Variants in ADAMTSL3 observed in about 807,000 individuals in gnomAD.
ADAMTSL3 encodes ADAMTS-like protein 3.
In ADAMTSL3, 128 loss-of-function variants were observed where a neutral mutation model predicts 201.7. The observed-to-expected ratio is 0.63, with a 90% CI of 0.55 to 0.73. The LOEUF is 0.73. Ranked by LOEUF, ADAMTSL3 falls within the 30% of genes least tolerant of loss-of-function variation. The pLI, the probability that ADAMTSL3 is intolerant of heterozygous loss-of-function variation, is 0.00. For synonymous variants in ADAMTSL3, 738 were observed against 748.4 expected, an observed-to-expected ratio of 0.99 and a Z score of 0.23; for missense variants, 1,990 against 2,119.6, an observed-to-expected ratio of 0.94 and a Z score of 1.20.
At chr15:83,655,948 A>G (rs2061077512) in intron 2 of ADAMTSL3, 118 bp downstream of exon 2, 3 of 1,089,486 alleles carry the variant, frequency 2.8e-6, no homozygotes, top group Non-Finnish European at 4.0e-6. Flanking sequence ...CCAGAGAACC[A>G]GACTTTCTTT....
chr15:83,708,812 T>C lies in ADAMTSL3; in HGVS notation c.189+4304T>C, dbSNP rs77656327. ...GTCTTGCCAGCAATTCGGTAAACTATTACTTAGAGAATTATACAGTTTTAC... is the reference window on the plus strand; with the variant it reads ...GTCTTGCCAGCAATTCGGTAAACTACTACTTAGAGAATTATACAGTTTTAC... On this transcript the variant is annotated intron_variant, in intron 3 of 29. Transcript: ENST00000286744. Among the ~76,000 whole-genome samples, 373 of 152,352 alleles carry C rather than the reference T, an allele frequency of 2.4e-3. 2 individuals are homozygous for C. The highest frequency in any genetic ancestry group is 8.7e-3 in the African/African-American group (360 of 41,576).
In ADAMTSL3 at chr15:83,688,749, T is replaced by TACAC. The variant is rs1157433275; in HGVS notation, c.70-15639_70-15638insCACA. ...ATCTAGTGTTAAGTATACACATGCA[T>TACAC]ATATATACACACACACACACACACA... is the stretch of plus-strand genomic sequence containing the variant. On this transcript the variant is annotated intron_variant, in intron 2 of 29. Coordinates refer to ENST00000286744, the MANE Select transcript of ADAMTSL3 (RefSeq NM_207517.3). Among the ~76,000 whole-genome samples the TACAC allele has an allele frequency of 3.5e-3, 171 of 48,956 alleles. 4 individuals are homozygous for TACAC. The highest frequency in any genetic ancestry group is 0.011 in the Middle Eastern group (1 of 92). The allele number at this position is 48,956 out of a possible 152,430, so 32.1% of individuals were successfully genotyped here. A position where few individuals can be genotyped will look rare whatever the true frequency, so the allele number is the denominator to read the frequency against.
In ADAMTSL3 at chr15:84,025,425, C is replaced by G. The variant is rs1276398813; in HGVS notation, c.4645C>G (p.Pro1549Ala). ...TGGTCATCCATGTGTTCAGTGGGAA[C>G]CAGGGAACCGGGTAAAGCTAACACA... ...CFGHPCVQWEPGNRCPGRCMG... is the reference protein window; with the variant it reads ...CFGHPCVQWEAGNRCPGRCMG... Residue 1549 changes from proline (P) to alanine (A), a missense_variant, in exon 27 of 30, where the codon CCA becomes GCA. By Grantham distance (27) the Pro-to-Ala change is conservative (BLOSUM62 -1). Coordinates refer to ENST00000286744, the MANE Select transcript of ADAMTSL3 (RefSeq NM_207517.3). The G allele has an allele frequency of 6.2e-7, 1 of 1,613,738 alleles. No homozygotes were observed. Among genetic ancestry groups the G allele is most frequent in the African/African-American group, 1.3e-5 (1 of 74,892 alleles).
intron 2 of ADAMTSL3, among the ~76,000 whole-genome samples, chr15:83,687,236 T>G (rs2061549985): frequency 6.6e-6 from 1 of 152,140 alleles, no homozygotes. Flanking sequence ...AAGTTGAAAG[T>G]ATCAAGTGAA....
intron 7 of ADAMTSL3, among the ~76,000 whole-genome samples, chr15:83,853,831 A>G (rs2064669511): frequency 6.6e-6 from 1 of 152,126 alleles, no homozygotes; most frequent in Non-Finnish European, 1.5e-5. Flanking sequence ...ACAATTCACT[A>G]CTGTACATTT....
At chr15:84,032,509 C>T (rs911104989) in intron 28 of ADAMTSL3, among the ~76,000 whole-genome samples, 6 of 152,220 alleles carry the variant, frequency 3.9e-5, no homozygotes, top group African/African-American at 1.4e-4. Flanking sequence ...ACAGACCACA[C>T]ACAGATTGAT....
rs534243654 is a variant in ADAMTSL3, at chr15:83,818,261, T to G, written c.364-1550T>G. Among the ~76,000 whole-genome samples the G allele has an allele frequency of 2.0e-5, 3 of 152,286 alleles. No homozygotes were observed. In the East Asian group the frequency reaches 5.8e-4, roughly 29 times the overall value. ...TTGAGTAGAAACTATTTTCCAAAGT[T>G]TTTAGAATGAATATTTATTACCTTT... On this transcript the variant is annotated intron_variant, in intron 5 of 29. Transcript: ENST00000286744.
chr15:83,798,370 T>G (rs554795103), intron 4 of ADAMTSL3, among the ~76,000 whole-genome samples: 1 of 152,334 alleles, frequency 6.6e-6, no homozygotes, highest in African/African-American at 2.4e-5. Flanking sequence ...TATGTATTTG[T>G]GCATATATGT....
chr15:83,821,179 T>TC (rs1409467549), intron 6 of ADAMTSL3, among the ~76,000 whole-genome samples: 1 of 152,190 alleles, frequency 6.6e-6, no homozygotes, highest in African/African-American at 2.4e-5. Flanking sequence ...AAAAATATTT[T>TC]TTTTTTTCCA....
At chr15:83,695,131 G>T (rs1215374482) in intron 2 of ADAMTSL3, among the ~76,000 whole-genome samples, 2 of 125,500 alleles carry the variant, frequency 1.6e-5, no homozygotes, top group African/African-American at 3.0e-5. Flanking sequence ...GTGTGTGGGG[G>T]TATATTTGTG....
At chr15:83,945,490 C>G (rs985053260) in intron 19 of ADAMTSL3, among the ~76,000 whole-genome samples, 4 of 152,150 alleles carry the variant, frequency 2.6e-5, no homozygotes, top group African/African-American at 9.7e-5. Context: ...TCCTTTGAGA[C>G]TAGGTCAGGC....
chr15:84,003,965 C>A (rs750430437), intron 23 of ADAMTSL3, among the ~76,000 whole-genome samples: 6 of 152,076 alleles, frequency 3.9e-5, no homozygotes, highest in Non-Finnish European at 7.3e-5. Flanking sequence ...ATTCAACCCC[C>A]GGAAATAAGA....
chr15:83,726,205 A>G (rs116021977), intron 3 of ADAMTSL3, among the ~76,000 whole-genome samples: 6,883 of 152,054 alleles, frequency 0.045, 509 homozygotes, highest in African/African-American at 0.15. Context: ...ATAGTTTGCT[A>G]TTGGCATATG....
intron 28 of ADAMTSL3, among the ~76,000 whole-genome samples, chr15:84,034,237 G>A (rs987462449): frequency 3.3e-5 from 5 of 152,076 alleles, no homozygotes; most frequent in Admixed American, 1.3e-4. Context: ...TATGACCATG[G>A]GCTCTCTGTA....
At chr15:83,705,604 T>C (rs967686297) in intron 3 of ADAMTSL3, among the ~76,000 whole-genome samples, 1 of 152,008 alleles carries the variant, frequency 6.6e-6, no homozygotes, top group African/African-American at 2.4e-5. Context: ...AGGATGAAAG[T>C]CTTGCAGAGC....
chr15:83,913,036 G>T, intron 15 of ADAMTSL3, 56 bp from the exon 16 acceptor site: 2 of 1,563,548 alleles, frequency 1.3e-6, no homozygotes, highest in Non-Finnish European at 8.7e-7. Context: ...TCCTTTTCTG[G>T]CCTATATTTA....
intron 3 of ADAMTSL3, among the ~76,000 whole-genome samples, chr15:83,756,982 G>A (rs1363851537): frequency 6.6e-6 from 1 of 152,206 alleles, no homozygotes; most frequent in Non-Finnish European, 1.5e-5. Flanking sequence ...ATGGCCTCGG[G>A]CAGCTCTGTC....
intron 23 of ADAMTSL3, among the ~76,000 whole-genome samples, chr15:83,997,891 C>T (rs1191598021): frequency 6.6e-6 from 1 of 151,980 alleles, no homozygotes; most frequent in African/African-American, 2.4e-5. Context: ...CTATCTTGGA[C>T]CATTGGTCCT....
chr15:83,695,672 G>T (rs1157872483), intron 2 of ADAMTSL3, among the ~76,000 whole-genome samples: 2 of 152,090 alleles, frequency 1.3e-5, no homozygotes, highest in African/African-American at 2.4e-5. Context: ...TAGAGAAAAA[G>T]AATCTTAAAT....
Sources: gnomAD v4.1 joint callset for allele counts (sites outside exome capture counted in the v4.1 genomes callset) on GRCh38, gnomAD v4.1.1 for gene constraint, MANE v1.5 for transcripts, NCBI Gene and HGNC (gene_info 2026-07-23, HGNC 2026-07-21) for gene names.